Variants in LUZP2 observed in about 807,000 individuals in gnomAD.
The protein encoded by LUZP2 is leucine zipper protein 2.
Under a neutral mutation model 51.6 loss-of-function variants are expected in LUZP2, and 52 were observed. The ratio of observed to expected loss-of-function variants is 1.01; its 90% confidence interval spans 0.81 to 1.27. The LOEUF (loss-of-function observed/expected upper bound fraction) is 1.27. Among genes scored for constraint, LUZP2 ranks in the 50% most tolerant of loss-of-function variants. The pLI is 0.00. For synonymous variants in LUZP2, 154 were observed against 137.3 expected (o/e 1.12, Z -0.85); for missense variants, 436 against 395.4 (o/e 1.10, Z -0.87).
At chr11:24,659,043 C>T (rs1311375678) in intron 1 of LUZP2, among the ~76,000 whole-genome samples, 1 of 152,210 alleles carries the variant, frequency 6.6e-6, no homozygotes, top group Non-Finnish European at 1.5e-5. Flanking sequence ...ACTAGAAATA[C>T]CATTTAACCC....
At chr11:24,875,560 C>T (rs2134277986) in intron 5 of LUZP2, among the ~76,000 whole-genome samples, 1 of 146,836 alleles carries the variant, frequency 6.8e-6, no homozygotes, top group South Asian at 2.3e-4. Flanking sequence ...CCGCAATAAA[C>T]ATACGTGTGC....
At chr11:24,991,394 GTGTATA>G (rs1215746081) in intron 9 of LUZP2, among the ~76,000 whole-genome samples, 46 of 109,384 alleles carry the variant, frequency 4.2e-4, no homozygotes, top group Middle Eastern at 5.3e-3. Context: ...GTGTGTGTGT[GTGTATA>G]TATATATATA....
intron 3 of LUZP2, among the ~76,000 whole-genome samples, chr11:24,734,158 A>G (rs1359709353): frequency 6.6e-6 from 1 of 151,818 alleles, no homozygotes; most frequent in Non-Finnish European, 1.5e-5. Context: ...AGGGTGAGAA[A>G]ACACTACTTA....
chr11:24,939,632 T>C (rs981782891), intron 7 of LUZP2, among the ~76,000 whole-genome samples: 1 of 152,056 alleles, frequency 6.6e-6, no homozygotes, highest in Non-Finnish European at 1.5e-5. Flanking sequence ...TCTAACAAAA[T>C]GGACTGCCAT....
At position 25,079,185 on chromosome 11, in the gene LUZP2, A is replaced by T. The variant is rs1363397072; in HGVS notation, c.*527A>T. 1 of 152,294 alleles carries T rather than the reference A, an allele frequency of 6.6e-6. No individual in the cohort carries two copies. The highest frequency in any genetic ancestry group is 1.5e-5 in the Non-Finnish European group (1 of 68,088). 9.4% of individuals were successfully genotyped at this position (152,294 alleles called of 1,614,324 possible). A position where few individuals can be genotyped will look rare whatever the true frequency, so the allele number is the denominator to read the frequency against. ...TTGGTATTATTTTGAACTAATAACAATTATTTTGTCTAAATAATGCTAAGA... is the reference window on the plus strand; with the variant it reads ...TTGGTATTATTTTGAACTAATAACATTTATTTTGTCTAAATAATGCTAAGA... On this transcript the variant is annotated 3_prime_UTR_variant, in exon 12 of 12. Transcript: ENST00000336930.
chr11:24,978,360 T>C (rs1240871595), intron 8 of LUZP2, among the ~76,000 whole-genome samples: 1 of 151,802 alleles, frequency 6.6e-6, no homozygotes, highest in East Asian at 1.9e-4. Context: ...AAAGCTCAAG[T>C]AGGCCACCTT....
chr11:24,703,220 T>A (rs1320293823), intron 1 of LUZP2, among the ~76,000 whole-genome samples: 1 of 152,192 alleles, frequency 6.6e-6, no homozygotes, highest in Non-Finnish European at 1.5e-5. Flanking sequence ...GACCTCTGTA[T>A]CAGTTAATAA....
chr11:25,076,156 C>T (rs1859290454), intron 10 of LUZP2, among the ~76,000 whole-genome samples: 1 of 152,076 alleles, frequency 6.6e-6, no homozygotes, highest in African/African-American at 2.4e-5. Context: ...GTAGCTGGGA[C>T]CACAGGCATG....
intron 1 of LUZP2, among the ~76,000 whole-genome samples, chr11:24,716,883 G>A (rs966169224): frequency 2.7e-5 from 4 of 149,762 alleles, no homozygotes; most frequent in African/African-American, 7.3e-5. Context: ...GTGACAGAGT[G>A]AGACTACATC....
chr11:24,499,001 T>C (rs1056577633), intron 1 of LUZP2, among the ~76,000 whole-genome samples: 5 of 152,198 alleles, frequency 3.3e-5, no homozygotes, highest in African/African-American at 1.2e-4. Context: ...ATGTTCGATA[T>C]CTAATACAGG....
At chr11:24,998,765 G>T (rs940253845) in intron 9 of LUZP2, among the ~76,000 whole-genome samples, 2 of 152,238 alleles carry the variant, frequency 1.3e-5, no homozygotes, top group Admixed American at 6.5e-5. Flanking sequence ...TTCAGCCAAA[G>T]AATTGCTTCC....
chr11:24,768,137 T>C (rs1860266232), intron 5 of LUZP2, among the ~76,000 whole-genome samples: 1 of 152,072 alleles, frequency 6.6e-6, no homozygotes, highest in South Asian at 2.1e-4. Context: ...GTTGAAATTT[T>C]TTTTTTCCTT....
rs1305772485 is a variant in LUZP2, at chr11:24,903,699, C to T, written c.397-2292C>T. The stretch of plus-strand genomic sequence containing the variant: ...TGGTTATCTGCTCTCCTTTAGCCTG[C>T]CCATCTAAAGACAGTCTATGTACTT... On this transcript the variant is annotated intron_variant, in intron 5 of 11. Coordinates refer to ENST00000336930, the MANE Select transcript of LUZP2 (RefSeq NM_001009909.4). Among the ~76,000 whole-genome samples the T allele has an allele frequency of 2.6e-5, 4 of 152,118 alleles. No homozygotes were observed. The East Asian group carries it at 7.7e-4, about 29-fold the overall frequency.
At chr11:25,031,015 A>ATATATATATT (rs1406897346) in intron 9 of LUZP2, among the ~76,000 whole-genome samples, 2 of 11,880 alleles carry the variant, frequency 1.7e-4, no homozygotes, top group Non-Finnish European at 3.4e-4. Context: ...ATATATATAT[A>ATATATATATT]TTTTTTTTTT....
intron 8 of LUZP2, 101 bp downstream of exon 8, chr11:24,976,766 A>C (rs1461590217): frequency 1.3e-5 from 8 of 624,382 alleles, no homozygotes; most frequent in Non-Finnish European, 1.9e-5. Flanking sequence ...TGATTTATTA[A>C]TGTGTTTCTA....
intron 1 of LUZP2, among the ~76,000 whole-genome samples, chr11:24,557,619 A>G (rs898028647): frequency 2.0e-5 from 3 of 152,182 alleles, no homozygotes; most frequent in Non-Finnish European, 4.4e-5. Flanking sequence ...AAAAGTCAAA[A>G]TCAAAACCTG....
chr11:25,080,605 A>T lies in LUZP2; in HGVS notation c.*1947A>T, dbSNP rs1383243865. 1 of 152,170 alleles carries T rather than the reference A, an allele frequency of 6.6e-6. No homozygotes were observed. The highest frequency in any genetic ancestry group is 2.4e-5 in the African/African-American group (1 of 41,438). 9.4% of individuals were successfully genotyped at this position (152,170 alleles called of 1,614,324 possible). A position where few individuals can be genotyped will look rare whatever the true frequency, so the allele number is the denominator to read the frequency against. ...TTCATATTTCTAAAAATAATCATACAAACTAGAATACTGCTAGTCTCCCAA... is the reference window on the plus strand; with the variant it reads ...TTCATATTTCTAAAAATAATCATACTAACTAGAATACTGCTAGTCTCCCAA... On this transcript the variant is annotated 3_prime_UTR_variant, in exon 12 of 12. Coordinates refer to ENST00000336930, the MANE Select transcript of LUZP2 (RefSeq NM_001009909.4).
intron 6 of LUZP2, among the ~76,000 whole-genome samples, chr11:24,911,686 T>A (rs1172471993): frequency 1.3e-5 from 2 of 152,210 alleles, no homozygotes; most frequent in Non-Finnish European, 2.9e-5. Flanking sequence ...TATTTCCTTA[T>A]AGCAGTGTGA....
At chr11:24,782,362 A>C (rs1263451274) in intron 5 of LUZP2, among the ~76,000 whole-genome samples, 1 of 152,028 alleles carries the variant, frequency 6.6e-6, no homozygotes, top group Non-Finnish European at 1.5e-5. Flanking sequence ...CCACTGATTA[A>C]ATGGTGTGCT....
Sources: gnomAD v4.1 joint callset for allele counts (sites outside exome capture counted in the v4.1 genomes callset) on GRCh38, gnomAD v4.1.1 for gene constraint, MANE v1.5 for transcripts, NCBI Gene and HGNC (gene_info 2026-07-23, HGNC 2026-07-21) for gene names.